IGF1: variants seen among roughly 807,000 people sequenced by gnomAD.
The protein encoded by IGF1 is insulin-like growth factor 1.
Under a neutral mutation model 13.8 loss-of-function variants are expected in IGF1, and 4 were observed. That is an observed-to-expected ratio of 0.29 (90% CI 0.14 to 0.66). The LOEUF (loss-of-function observed/expected upper bound fraction) is 0.66, where lower values mean the gene tolerates loss of function less well. Among genes scored for constraint, IGF1 ranks in the 30% least tolerant of loss-of-function variants. The pLI is 0.78. For synonymous variants in IGF1, 76 were observed against 72.6 expected (o/e 1.05, Z -0.23); for missense variants, 124 against 188.5 (o/e 0.66, Z 2.00).
At chr12:102,437,108 A>G (rs1877314608) in intron 2 of IGF1, among the ~76,000 whole-genome samples, 1 of 152,188 alleles carries the variant, frequency 6.6e-6, no homozygotes, top group South Asian at 2.1e-4. Context: ...TGCCTTCTCA[A>G]CGAATCTATT....
intron 3 of IGF1, among the ~76,000 whole-genome samples, chr12:102,413,354 T>TA (rs1874804928): frequency 2.0e-5 from 3 of 152,266 alleles, no homozygotes; most frequent in African/African-American, 7.2e-5. Flanking sequence ...TCTTGCCCAG[T>TA]GGATGTTAAT....
intron 2 of IGF1, chr12:102,463,380 A>G (rs559661016): frequency 1.3e-5 from 2 of 152,326 alleles, no homozygotes; most frequent in Admixed American, 1.3e-4. Context: ...GCAAGTTAGG[A>G]ATGTGTGAAG....
In IGF1 at chr12:102,401,257, G is replaced by T; in HGVS notation, c.*1250C>A. The T allele has an allele frequency of 6.2e-6, 1 of 161,714 alleles. No individual in the cohort carries two copies. Among genetic ancestry groups the T allele is most frequent in the South Asian group, 1.8e-4 (1 of 5,414 alleles). 10.0% of individuals were successfully genotyped at this position (161,714 alleles called of 1,614,324 possible). ...AAACTGAGGCACAGAGAGGTGAAGT[G>T]ACTTGCCCAAGGTCACACAGTGGTG... On this transcript the variant is annotated 3_prime_UTR_variant, in exon 4 of 4. Coordinates refer to ENST00000337514, the MANE Select transcript of IGF1 (RefSeq NM_000618.5).
At chr12:102,417,283 C>T (rs1875227083) in intron 3 of IGF1, among the ~76,000 whole-genome samples, 1 of 152,142 alleles carries the variant, frequency 6.6e-6, no homozygotes, top group Admixed American at 6.5e-5. Context: ...TAGGCAATAC[C>T]GGATGCCCTT....
At chr12:102,423,971 C>T (rs1290381445) in intron 2 of IGF1, among the ~76,000 whole-genome samples, 1 of 152,184 alleles carries the variant, frequency 6.6e-6, no homozygotes, top group African/African-American at 2.4e-5. Flanking sequence ...TCTGGGAATG[C>T]AGTTGGAACA....
intron 2 of IGF1, among the ~76,000 whole-genome samples, chr12:102,475,010 G>A (rs903024525): frequency 6.6e-6 from 1 of 152,128 alleles, no homozygotes; most frequent in African/African-American, 2.4e-5. Flanking sequence ...TATGCCAAAA[G>A]AGAGCAACAA....
chr12:102,472,651 G>A (rs1276396217), intron 2 of IGF1, among the ~76,000 whole-genome samples: 1 of 152,152 alleles, frequency 6.6e-6, no homozygotes, highest in African/African-American at 2.4e-5. Flanking sequence ...AGTGTATAGA[G>A]GTGGGGAAGA....
At chr12:102,481,417 GTGT>G (rs1881388096), upstream of IGF1, among the ~76,000 whole-genome samples, 1 of 151,522 alleles carries the variant, frequency 6.6e-6, no homozygotes, top group Non-Finnish European at 1.5e-5. Context: ...GTGCCAGAGT[GTGT>G]TTTCTTTCTC....
chr12:102,453,113 ATCAT>A (rs1470418814), intron 2 of IGF1, among the ~76,000 whole-genome samples: 1 of 152,246 alleles, frequency 6.6e-6, no homozygotes, highest in African/African-American at 2.4e-5. Flanking sequence ...AGTGAGATAC[ATCAT>A]TCATGTGTGG....
rs1166199038 is a variant in IGF1, at chr12:102,397,684, G to GC, written c.*4822dup. Reference sequence around the variant, plus strand: ...TCAACAACATTTTCCTTTTGTTGTTGCCCCCCTACCAGATCTGGACTTTAT... The same window carrying GC: ...TCAACAACATTTTCCTTTTGTTGTTGCCCCCCCTACCAGATCTGGACTTTAT... On this transcript the variant is annotated 3_prime_UTR_variant, in exon 4 of 4. Coordinates refer to ENST00000337514, the MANE Select transcript of IGF1 (RefSeq NM_000618.5). The GC allele has an allele frequency of 6.6e-6, 1 of 152,110 alleles. No individual in the cohort carries two copies. Among genetic ancestry groups the GC allele is most frequent in the Admixed American group, 6.5e-5 (1 of 15,278 alleles). The allele number at this position is 152,110 out of a possible 1,614,324, so 9.4% of individuals were successfully genotyped here.
chr12:102,465,308 C>G (rs551377917), intron 2 of IGF1, among the ~76,000 whole-genome samples: 17 of 152,242 alleles, frequency 1.1e-4, no homozygotes, highest in Non-Finnish European at 2.5e-4. Context: ...ATTTGGATGG[C>G]CCTTCGTTTC....
intron 2 of IGF1, among the ~76,000 whole-genome samples, chr12:102,433,850 A>T (rs1431082457): frequency 1.3e-5 from 2 of 152,194 alleles, no homozygotes; most frequent in Admixed American, 1.3e-4. Flanking sequence ...AAAGAGGATG[A>T]TCATCATTTC....
chr12:102,447,406 C>G (rs1242241866), intron 2 of IGF1, among the ~76,000 whole-genome samples: 1 of 152,146 alleles, frequency 6.6e-6, no homozygotes, highest in Non-Finnish European at 1.5e-5. Flanking sequence ...AATCTGGGTG[C>G]TCCTGCATTG....
At chr12:102,403,961 A>G (rs1288443280) in intron 3 of IGF1, among the ~76,000 whole-genome samples, 1 of 152,202 alleles carries the variant, frequency 6.6e-6, no homozygotes, top group African/African-American at 2.4e-5. Flanking sequence ...CTAAGTCATT[A>G]TATTATAATA....
rs1294814369 is a variant in IGF1, at chr12:102,413,406, G to A, written c.402+6103C>T. On this transcript the variant is annotated intron_variant, in intron 3 of 3. Coordinates refer to ENST00000337514, the MANE Select transcript of IGF1 (RefSeq NM_000618.5). The stretch of plus-strand genomic sequence containing the variant: ...AGAATTTATTACCTAAGAAAACAAT[G>A]TTTCCCTTTAGTGGGAGGGAGGTCG... Among the ~76,000 whole-genome samples the A allele has an allele frequency of 2.6e-5, 4 of 152,166 alleles. No homozygotes were observed. In the East Asian group the frequency reaches 7.7e-4, roughly 29 times the overall value.
At chr12:102,418,795 G>T (rs1023475434) in intron 3 of IGF1, among the ~76,000 whole-genome samples, 5 of 152,150 alleles carry the variant, frequency 3.3e-5, no homozygotes, top group Non-Finnish European at 4.4e-5. Context: ...GGCATAGTTG[G>T]TACCTCTGAG....
chr12:102,437,255 G>A (rs1386687650), intron 2 of IGF1, among the ~76,000 whole-genome samples: 4 of 152,294 alleles, frequency 2.6e-5, no homozygotes, highest in African/African-American at 7.2e-5. Flanking sequence ...GGCCACCTCG[G>A]GACTCTGCAG....
At chr12:102,460,651 T>A (rs1443619110) in intron 2 of IGF1, among the ~76,000 whole-genome samples, 1 of 152,206 alleles carries the variant, frequency 6.6e-6, no homozygotes, top group Non-Finnish European at 1.5e-5. Flanking sequence ...ATCCGTCAGA[T>A]TTCTTAAGGG....
intron 3 of IGF1, among the ~76,000 whole-genome samples, chr12:102,410,034 TG>T (rs1297857282): frequency 3.3e-5 from 5 of 152,154 alleles, no homozygotes; most frequent in Non-Finnish European, 7.4e-5. Flanking sequence ...TTCTAGTGAC[TG>T]GGGCATCCCT....
Sources: allele counts gnomAD v4.1 joint callset (sites outside exome capture counted in the v4.1 genomes callset), GRCh38; gene constraint gnomAD v4.1.1; transcripts MANE v1.5; gene names NCBI Gene and HGNC (gene_info 2026-07-23, HGNC 2026-07-21).